The following ITGBL1 variants were observed in gnomAD, a reference collection of about 807,000 sequenced individuals.
ITGBL1 encodes the protein integrin beta-like protein 1.
A neutral mutation model predicts 68.5 loss-of-function variants in ITGBL1; 51 were observed. That is an observed-to-expected ratio of 0.74 (90% CI 0.59 to 0.94). The LOEUF (loss-of-function observed/expected upper bound fraction) is 0.94, where lower values mean the gene tolerates loss of function less well. ITGBL1 is among the 40% of genes least tolerant of loss of function. The pLI, the probability that ITGBL1 is intolerant of heterozygous loss-of-function variation, is 0.00. For synonymous variants in ITGBL1, 209 were observed against 227.3 expected (o/e 0.92, Z 0.72); for missense variants, 649 against 647.4 (o/e 1.00, Z -0.03).
At chr13:101,628,943 C>T (rs1037037888) in intron 7 of ITGBL1, among the ~76,000 whole-genome samples, 1 of 152,074 alleles carries the variant, frequency 6.6e-6, no homozygotes, top group Non-Finnish European at 1.5e-5. Flanking sequence ...ATCAACTTCT[C>T]ATCTGTTTCT....
intron 2 of ITGBL1, among the ~76,000 whole-genome samples, chr13:101,515,837 C>G (rs768719383): frequency 5.3e-5 from 8 of 152,110 alleles, no homozygotes; most frequent in Non-Finnish European, 1.2e-4. Flanking sequence ...CATTTATCAT[C>G]AGTAACCGAA....
At chr13:101,491,917 A>G (rs9300670) in intron 2 of ITGBL1, among the ~76,000 whole-genome samples, 42,208 of 152,030 alleles carry the variant, frequency 0.28, 7,109 homozygotes, top group East Asian at 0.8. Flanking sequence ...TTTGCTGAGA[A>G]TGGTGGTTTC....
Position 101,692,571 on chromosome 13 carries a change from T to C in ITGBL1, c.1016-14T>C. The stretch of plus-strand genomic sequence containing the variant: ...ACTCTCCTCATAAGTGTGCACTTTC[T>C]TTATACTTTCCAGGTAAATGTGAAT... On this transcript the variant is annotated splice_polypyrimidine_tract_variant and intron_variant, in intron 7 of 10. Transcript: ENST00000376180. 6.3e-7 allele frequency: 1 copy of C among 1,581,544 alleles called. No homozygotes were observed. Among genetic ancestry groups the C allele is most frequent in the East Asian group, 2.2e-5 (1 of 44,674 alleles).
chr13:101,634,564 A>G (rs1043900578), intron 7 of ITGBL1, among the ~76,000 whole-genome samples: 1 of 152,132 alleles, frequency 6.6e-6, no homozygotes, highest in Non-Finnish European at 1.5e-5. Context: ...AAGTTTTGAG[A>G]ATCCACTGGG....
chr13:101,697,905 G>A (rs549221300), intron 8 of ITGBL1, among the ~76,000 whole-genome samples: 2 of 152,294 alleles, frequency 1.3e-5, no homozygotes, highest in East Asian at 1.9e-4. Context: ...GCTGCAGAGC[G>A]TTTTGCAAGG....
At chr13:101,626,532 C>T (rs535729768) in intron 7 of ITGBL1, among the ~76,000 whole-genome samples, 1 of 152,258 alleles carries the variant, frequency 6.6e-6, no homozygotes, top group South Asian at 2.1e-4. Flanking sequence ...GTACCATCTA[C>T]TCCAGGAAAC....
chr13:101,542,519 T>G (rs139966117), intron 2 of ITGBL1, among the ~76,000 whole-genome samples: 120,666 of 152,016 alleles, frequency 0.79, 47,913 homozygotes, highest in African/African-American at 0.83. Flanking sequence ...GTGCTGAGAA[T>G]AATGTATATT....
At chr13:101,576,957 A>AT (rs1205782278) in intron 4 of ITGBL1, among the ~76,000 whole-genome samples, 1 of 143,326 alleles carries the variant, frequency 7.0e-6, no homozygotes, top group Non-Finnish European at 1.5e-5. Flanking sequence ...TAGATGGAAA[A>AT]AAAAAAAAAG....
At chr13:101,694,680 C>G (rs2033963502) in intron 8 of ITGBL1, among the ~76,000 whole-genome samples, 1 of 152,070 alleles carries the variant, frequency 6.6e-6, no homozygotes, top group African/African-American at 2.4e-5. Flanking sequence ...CCTTGGCCTC[C>G]CAAAGAGCTG....
intron 2 of ITGBL1, among the ~76,000 whole-genome samples, chr13:101,556,155 C>T (rs571596434): frequency 4.1e-4 from 62 of 152,196 alleles, no homozygotes; most frequent in Non-Finnish European, 7.6e-4. Context: ...CAAAGGAAGA[C>T]GCAGAGATAA....
chr13:101,532,843 C>T (rs7338776), intron 2 of ITGBL1, among the ~76,000 whole-genome samples: 123,548 of 152,174 alleles, frequency 0.81, 50,332 homozygotes, highest in African/African-American at 0.89. Flanking sequence ...TTAGTTTCAA[C>T]TTTTATAGCC....
At chr13:101,543,680 CA>C (rs2049757831) in intron 2 of ITGBL1, among the ~76,000 whole-genome samples, 2 of 152,316 alleles carry the variant, frequency 1.3e-5, no homozygotes, top group African/African-American at 4.8e-5. Flanking sequence ...TTCTCCCTGT[CA>C]CTTTCAGGTA....
At chr13:101,574,031 C>A (rs1336613251) in intron 3 of ITGBL1, among the ~76,000 whole-genome samples, 1 of 152,074 alleles carries the variant, frequency 6.6e-6, no homozygotes, top group African/African-American at 2.4e-5. Context: ...TCCACTTTTG[C>A]CTCATTTCAG....
At chr13:101,599,895 G>A (rs998949096) in intron 7 of ITGBL1, among the ~76,000 whole-genome samples, 120 of 152,176 alleles carry the variant, frequency 7.9e-4, no homozygotes, top group African/African-American at 2.3e-3. Flanking sequence ...TGTTCTTTTG[G>A]CTTAGGATTG....
At chr13:101,650,012 C>G (rs1255275831) in intron 7 of ITGBL1, among the ~76,000 whole-genome samples, 3 of 152,040 alleles carry the variant, frequency 2.0e-5, no homozygotes, top group African/African-American at 4.8e-5. Flanking sequence ...GTGTAAGACA[C>G]CTGAGAAGGA....
At chr13:101,718,681 C>G (rs1336448532), downstream of ITGBL1, 3 of 151,904 alleles carry the variant, frequency 2.0e-5, no homozygotes, top group African/African-American at 7.3e-5. Context: ...TTGAGTTTAT[C>G]TGGATTCCAA....
intron 2 of ITGBL1, among the ~76,000 whole-genome samples, chr13:101,537,206 T>C (rs1031333973): frequency 6.6e-6 from 1 of 151,992 alleles, no homozygotes; most frequent in African/African-American, 2.4e-5. Context: ...AACACAAATA[T>C]TATATCAGCT....
At position 101,715,857 on chromosome 13, in the gene ITGBL1, G is replaced by T; in HGVS notation, c.*203G>T. ...GATGCAAATAACATTAGAAAAAAAA[G>T]ATTCTTCCATAATTAACATAAGTGG... On this transcript the variant is annotated 3_prime_UTR_variant, in exon 11 of 11. Transcript: ENST00000376180. 2.2e-6 allele frequency: 1 copy of T among 460,416 alleles called. No individual in the cohort carries two copies. The highest frequency in any genetic ancestry group is 3.9e-6 in the Non-Finnish European group (1 of 257,188). 28.5% of individuals were successfully genotyped at this position (460,416 alleles called of 1,614,324 possible).
chr13:101,671,959 T>C (rs1410972551), intron 7 of ITGBL1, among the ~76,000 whole-genome samples: 2 of 152,198 alleles, frequency 1.3e-5, no homozygotes, highest in African/African-American at 2.4e-5. Context: ...AAGTTATTTA[T>C]AGGTACTACA....
Sources: allele counts gnomAD v4.1 joint callset (sites outside exome capture counted in the v4.1 genomes callset), GRCh38; gene constraint gnomAD v4.1.1; transcripts MANE v1.5; gene names NCBI Gene and HGNC (gene_info 2026-07-23, HGNC 2026-07-21).